The following ITGB4 variants were observed in gnomAD, a reference collection of about 807,000 sequenced individuals.
ITGB4 encodes integrin subunit beta 4.
In ITGB4, 159 loss-of-function variants were observed where a neutral mutation model predicts 207.6. That is an observed-to-expected ratio of 0.77 (90% CI 0.67 to 0.87). The LOEUF is 0.87. Among genes scored for constraint, ITGB4 ranks in the 40% least tolerant of loss-of-function variants. The probability of loss-of-function intolerance (pLI) is 0.00; values close to 1 mark genes in which losing one functional copy is unlikely to be tolerated. For synonymous variants in ITGB4, 1,020 were observed against 1,062.7 expected, an observed-to-expected ratio of 0.96 and a Z score of 0.78; for missense variants, 2,278 against 2,546.8, an observed-to-expected ratio of 0.89 and a Z score of 2.27.
At position 75,757,093 on chromosome 17, in the gene ITGB4, A is replaced by G; in HGVS notation, c.5204A>G (p.Glu1735Gly). ...GPEREGIITI[E>G]SQDGGPFPQL... is the part of the protein sequence containing the mutation. ...GAGCGCGAGGGCATCATCACCATAG[A>G]GTCCCAGGATGGAGGTAGGCACCTG... The change falls in exon 38 of 40, where the codon GAG becomes GGG. Residue 1735 changes from glutamate to glycine, a missense_variant. Transcript: ENST00000200181. The G allele has an allele frequency of 6.2e-7, 1 of 1,612,860 alleles. No individual in the cohort carries two copies. The highest frequency in any genetic ancestry group is 8.5e-7 in the Non-Finnish European group (1 of 1,179,920).
rs2060874125 is a variant in ITGB4, at chr17:75,732,081, G to A, written c.1378-82G>A. On this transcript the variant is annotated intron_variant, in intron 11 of 39. Transcript: ENST00000200181. This position sits in a 1 kb window ranked among gnomAD's most constrained non-coding sequence, Gnocchi z 5.3. ...CCCCATATCCCTTGTGGGGTTTCCC[G>A]AGGCACACAGGAGAGCGGAAGTGTC... 2.2e-5 allele frequency: 35 copies of A among 1,607,290 alleles called. No homozygotes were observed. Among genetic ancestry groups the A allele is most frequent in the Middle Eastern group, 1.7e-4 (1 of 6,054 alleles).
chr17:75,757,584 C>T lies in ITGB4; in HGVS notation c.*29C>T. On this transcript the variant is annotated 3_prime_UTR_variant, in exon 40 of 40. Transcript: ENST00000200181. ...CACCCTGCCCCACCCCCGCCACGTC[C>T]CACTAGGCGTCCTCCCGACTCCTCT... The T allele has an allele frequency of 6.2e-7, 1 of 1,612,984 alleles. No individual in the cohort carries two copies. The highest frequency in any genetic ancestry group is 8.5e-7 in the Non-Finnish European group (1 of 1,179,652).
At chr17:75,755,478 C>T (rs1270577119) in intron 34 of ITGB4, among the ~76,000 whole-genome samples, 3 of 152,136 alleles carry the variant, frequency 2.0e-5, no homozygotes, top group Non-Finnish European at 4.4e-5. Context: ...GGCAGACTCA[C>T]GGGGCTCACT....
Position 75,754,765 on chromosome 17 carries a change from C to T in ITGB4, c.4508C>T (p.Ser1503Leu), listed in dbSNP as rs141137562. The change falls in exon 34 of 40, where the codon TCG (serine) becomes TTG (leucine). Residue 1503 changes from serine (S) to leucine (L), a missense_variant. By Grantham distance (145) the Ser-to-Leu change is moderately radical. Transcript: ENST00000200181. ...CTGACCCGCTCAGAACACTCACACT[C>T]GACCACACTGCCCAGGGACTACTCC... ...NSLTRSEHSH[S>L]TTLPRDYSTL... is the part of the protein sequence containing the mutation. 1.4e-5 allele frequency: 22 copies of T among 1,612,500 alleles called. No individual in the cohort carries two copies. The highest frequency in any genetic ancestry group is 2.2e-5 in the South Asian group (2 of 90,952).
In ITGB4 at chr17:75,740,505, G is replaced by A; in HGVS notation, c.2550+44G>A. 1 of 1,499,562 alleles carries A rather than the reference G, an allele frequency of 6.7e-7. No individual in the cohort carries two copies. The highest frequency in any genetic ancestry group is 9.3e-7 in the Non-Finnish European group (1 of 1,078,034). 92.9% of individuals were successfully genotyped at this position (1,499,562 alleles called of 1,614,324 possible). A position where few individuals can be genotyped will look rare whatever the true frequency, so the allele number is the denominator to read the frequency against. ...GGCCTGGCCGGAGATGTGGGTATGA[G>A]GGCGGGTGAGGTGGGCAGGGCAGAG... On this transcript the variant is annotated intron_variant, in intron 21 of 39. Coordinates refer to ENST00000200181, the MANE Select transcript of ITGB4 (RefSeq NM_000213.5). This position sits in a 1 kb window ranked among gnomAD's most constrained non-coding sequence, Gnocchi z 5.9.
chr17:75,722,572 G>T lies in ITGB4; in HGVS notation c.-11+960G>T, dbSNP rs1462426509. Among the ~76,000 whole-genome samples the T allele has an allele frequency of 6.6e-6, 1 of 152,216 alleles. No homozygotes were observed. The highest frequency in any genetic ancestry group is 1.5e-5 in the Non-Finnish European group (1 of 68,040). ...TTTCTCAGGGAGACAGAACAGCCAA[G>T]GGCCTGGGGTCCCCAGACTTCTGGC... On this transcript the variant is annotated intron_variant, in intron 1 of 39. Coordinates refer to ENST00000200181, the MANE Select transcript of ITGB4 (RefSeq NM_000213.5). This position sits in a 1 kb window ranked among gnomAD's most constrained non-coding sequence, Gnocchi z 6.2.
At chr17:75,747,298 G>A (rs1413594413) in intron 26 of ITGB4, among the ~76,000 whole-genome samples, 2 of 152,006 alleles carry the variant, frequency 1.3e-5, no homozygotes, top group East Asian at 3.9e-4. Context: ...GACCAACATG[G>A]AGAAACCCCA....
At chr17:75,751,205 C>A in intron 30 of ITGB4, 94 bp downstream of exon 30, 2 of 1,468,494 alleles carry the variant, frequency 1.4e-6, no homozygotes, top group Non-Finnish European at 1.9e-6. Context: ...ACTCCCTGGA[C>A]CTGCTGTGCA....
At position 75,742,002 on chromosome 17, in the gene ITGB4, CA is replaced by C. The variant is rs1287894888; in HGVS notation, c.2634-338del. On this transcript the variant is annotated intron_variant, in intron 23 of 39. Coordinates refer to ENST00000200181, the MANE Select transcript of ITGB4 (RefSeq NM_000213.5). This position sits in a 1 kb window ranked among gnomAD's most constrained non-coding sequence, Gnocchi z 5.9. ...GTTAAGTGACTTGCCCAAGGTTACCCAGCTATCGAGAACTAGAACCAGGGCT... is the reference window on the plus strand; with the variant it reads ...GTTAAGTGACTTGCCCAAGGTTACCCGCTATCGAGAACTAGAACCAGGGCT... Among the ~76,000 whole-genome samples, 1 of 152,200 alleles carries C rather than the reference CA, an allele frequency of 6.6e-6. No homozygotes were observed. Among genetic ancestry groups the C allele is most frequent in the Non-Finnish European group, 1.5e-5 (1 of 68,034 alleles).
Position 75,731,217 on chromosome 17 carries a change from A to G in ITGB4, c.1093-29A>G, listed in dbSNP as rs1057316705. ...GGTGGAGCACAGAGGCCCCCCACAGAGCACTGATCAACCTCCTTCCTCCTT... is the reference window on the plus strand; with the variant it reads ...GGTGGAGCACAGAGGCCCCCCACAGGGCACTGATCAACCTCCTTCCTCCTT... On this transcript the variant is annotated intron_variant, in intron 9 of 39. Coordinates refer to ENST00000200181, the MANE Select transcript of ITGB4 (RefSeq NM_000213.5). This position sits in a 1 kb window ranked among gnomAD's most constrained non-coding sequence, Gnocchi z 6.8. 9 of 1,612,938 alleles carry G rather than the reference A, an allele frequency of 5.6e-6. No homozygotes were observed. In the African/African-American group the frequency reaches 9.3e-5, roughly 17 times the overall value.
In ITGB4 at chr17:75,732,577, C is replaced by G. The variant is rs768493995; in HGVS notation, c.1454+338C>G. The stretch of plus-strand genomic sequence containing the variant: ...TATTCTGAGTCCTGTGTCATATTGC[C>G]TGATCAGAAGAGAGCTCGTAAATGC... On this transcript the variant is annotated intron_variant, in intron 12 of 39. Coordinates refer to ENST00000200181, the MANE Select transcript of ITGB4 (RefSeq NM_000213.5). The surrounding 1 kb of genome is among the most constrained non-coding windows in gnomAD (Gnocchi z 5.3). Among the ~76,000 whole-genome samples the G allele has an allele frequency of 2.6e-5, 4 of 152,100 alleles. No homozygotes were observed. Among genetic ancestry groups the G allele is most frequent in the Non-Finnish European group, 5.9e-5 (4 of 68,026 alleles).
In ITGB4 at chr17:75,739,505, A is replaced by T. The variant is rs902605447; in HGVS notation, c.2221-167A>T. 2.0e-5 allele frequency among the ~76,000 whole-genome samples: 3 copies of T among 152,016 alleles called. No individual in the cohort carries two copies. Among genetic ancestry groups the T allele is most frequent in the Admixed American group, 2.0e-4 (3 of 15,270 alleles). The stretch of plus-strand genomic sequence containing the variant: ...GAACCCTCTGCCCCCATCCCCCTCT[A>T]TGCCCTTGTGTGCCATGCTTACACC... On this transcript the variant is annotated intron_variant, in intron 18 of 39. Transcript: ENST00000200181. The surrounding 1 kb of genome is among the most constrained non-coding windows in gnomAD (Gnocchi z 5.4).
At chr17:75,730,663 G>T (rs906137929) in intron 8 of ITGB4, among the ~76,000 whole-genome samples, 159 bp downstream of exon 8, 3 of 136,962 alleles carry the variant, frequency 2.2e-5, no homozygotes, top group African/African-American at 8.2e-5. Context: ...AAAGCCTTTA[G>T]ACCCCCCAAA....
chr17:75,755,118 G>A (rs144558385), intron 34 of ITGB4: 101 of 1,609,086 alleles, frequency 6.3e-5, no homozygotes, highest in Admixed American at 1.3e-4. Flanking sequence ...CTGGGGTCCC[G>A]GAGTCGGGCT....
intron 34 of ITGB4, chr17:75,755,131 G>T (rs768939865): frequency 1.2e-5 from 20 of 1,611,486 alleles, no homozygotes; most frequent in Non-Finnish European, 1.6e-5. Flanking sequence ...GTCGGGCTCA[G>T]ATGAAAGGGT....
intron 12 of ITGB4, 27 bp from the exon 13 acceptor site, chr17:75,733,463 T>G: frequency 1.2e-6 from 2 of 1,604,970 alleles, no homozygotes; most frequent in Non-Finnish European, 1.7e-6. Flanking sequence ...CTGGGCTGTT[T>G]CGGGGAATGA....
In ITGB4 at chr17:75,743,846, C is replaced by T. The variant is rs750956428; in HGVS notation, c.3096C>T (p.Thr1032=). The change falls in exon 26 of 40, where the codon ACC becomes ACT. Residue 1032 remains threonine, a synonymous_variant. Coordinates refer to ENST00000200181, the MANE Select transcript of ITGB4 (RefSeq NM_000213.5). The part of the protein sequence containing the change: ...SQVSYRTQDG[T]AQGNRDYIPV... The stretch of plus-strand genomic sequence containing the variant: ...TCTCCTACCGCACACAGGATGGCAC[C>T]GCGCAGGGCAACCGGGTGAGGCTGC... 1.1e-5 allele frequency: 18 copies of T among 1,595,956 alleles called. No individual in the cohort carries two copies. The East Asian group carries it at 1.6e-4, about 14-fold the overall frequency.
Position 75,753,939 on chromosome 17 carries a change from G to C in ITGB4, c.4283G>C (p.Ser1428Thr). The change falls in exon 33 of 40, where the codon AGC becomes ACC. Residue 1428 changes from serine (S) to threonine (T), a missense_variant. Coordinates refer to ENST00000200181, the MANE Select transcript of ITGB4 (RefSeq NM_000213.5). ...GGCGGCGCGGGCGGGAAGGGCGGCA[G>C]CCTGCCCCGCAGTGCGACACCCGGG... Reference protein sequence around the residue: ...DDGGAGGKGGSLPRSATPGPP... With the variant: ...DDGGAGGKGGTLPRSATPGPP... 1 of 1,277,956 alleles carries C rather than the reference G, an allele frequency of 7.8e-7. No homozygotes were observed. The allele number at this position is 1,277,956 out of a possible 1,614,324, so 79.2% of individuals were successfully genotyped here.
rs1375677916 is a variant in ITGB4, at chr17:75,722,077, G to A, written c.-11+465G>A. On this transcript the variant is annotated intron_variant, in intron 1 of 39. Coordinates refer to ENST00000200181, the MANE Select transcript of ITGB4 (RefSeq NM_000213.5). This position sits in a 1 kb window ranked among gnomAD's most constrained non-coding sequence, Gnocchi z 6.2. The stretch of plus-strand genomic sequence containing the variant: ...CACCCTGAGAGGCAGACGCCATCCC[G>A]GCTCCAGGCAGGGCTTGCTCTATGC... Among the ~76,000 whole-genome samples, 1 of 152,176 alleles carries A rather than the reference G, an allele frequency of 6.6e-6. No homozygotes were observed. The highest frequency in any genetic ancestry group is 2.4e-5 in the African/African-American group (1 of 41,432).
Sources: allele counts gnomAD v4.1 joint callset (sites outside exome capture counted in the v4.1 genomes callset), GRCh38; gene constraint gnomAD v4.1.1; non-coding constraint Gnocchi (gnomAD v3.1); transcripts MANE v1.5; gene names NCBI Gene and HGNC (gene_info 2026-07-23, HGNC 2026-07-21).